The following CLRN1 variants were observed in gnomAD, a reference collection of about 807,000 sequenced individuals.
CLRN1 encodes clarin-1.
CLRN1 carries 15 observed loss-of-function variants against 18.7 expected under a neutral mutation model. That is an observed-to-expected ratio of 0.80 (90% confidence interval 0.54 to 1.23). The LOEUF (loss-of-function observed/expected upper bound fraction) is 1.23. CLRN1 is among the 50% of genes most tolerant of loss of function. CLRN1 has a pLI of 0.00. For missense variants in CLRN1, 311 were observed against 277.5 expected, an observed-to-expected ratio of 1.12 and a Z score of -0.86; for synonymous variants, 104 against 102.9, an observed-to-expected ratio of 1.01 and a Z score of -0.07.
intron 1 of CLRN1, among the ~76,000 whole-genome samples, chr3:150,956,240 G>A (rs1714732054): frequency 6.6e-6 from 1 of 152,274 alleles, no homozygotes; most frequent in South Asian, 2.1e-4. Context: ...TCCCAGGAAA[G>A]GGATTACTTC....
intron 1 of CLRN1, among the ~76,000 whole-genome samples, chr3:150,961,059 G>A (rs1715002728): frequency 6.6e-6 from 1 of 152,222 alleles, no homozygotes; most frequent in African/African-American, 2.4e-5. Context: ...CTGAGGCCAG[G>A]TGGCTGTGGA....
Position 150,931,783 on chromosome 3 carries a change from T to G in CLRN1, c.434-3582A>C, listed in dbSNP as rs142455939. Among the ~76,000 whole-genome samples the G allele has an allele frequency of 3.3e-5, 5 of 152,310 alleles. No homozygotes were observed. In the East Asian group the frequency reaches 9.7e-4, roughly 29 times the overall value. The stretch of plus-strand genomic sequence containing the variant: ...CTCTCCTCTTTTTCCCAGTTATCCA[T>G]GTACACCAAGAGCCCAAATTCACAC... On this transcript the variant is annotated intron_variant, in intron 2 of 2. Coordinates refer to ENST00000327047, the MANE Select transcript of CLRN1 (RefSeq NM_174878.3).
chr3:150,944,070 T>A, intron 1 of CLRN1: 2 of 691,558 alleles, frequency 2.9e-6, no homozygotes, highest in Non-Finnish European at 2.5e-6. Context: ...TTTTGAGTGA[T>A]CTCTGAGTGG....
Position 150,928,039 on chromosome 3 carries a change from T to C in CLRN1, c.596A>G (p.His199Arg), listed in dbSNP as rs986094058. The change falls in exon 3 of 3, where the codon CAT becomes CGT. Residue 199 changes from histidine (H) to arginine (R), a missense_variant. Coordinates refer to ENST00000327047, the MANE Select transcript of CLRN1 (RefSeq NM_174878.3). Reference sequence around the variant, plus strand: ...TCGTATTAGGAGCCCATTCAGAAAATGAACAAAAAAGCAAAAGAAAATGAC... The same window carrying C: ...TCGTATTAGGAGCCCATTCAGAAAACGAACAAAAAAGCAAAAGAAAATGAC... ...FWVIFFCFFV[H>R]FLNGLLIRLA... 2 of 1,613,986 alleles carry C rather than the reference T, an allele frequency of 1.2e-6. No homozygotes were observed. The highest frequency in any genetic ancestry group is 1.7e-6 in the Non-Finnish European group (2 of 1,180,012).
intron 1 of CLRN1, among the ~76,000 whole-genome samples, chr3:150,957,837 T>C (rs1334852486): frequency 1.3e-5 from 2 of 152,146 alleles, no homozygotes; most frequent in African/African-American, 4.8e-5. Context: ...TTGTGTTTTT[T>C]TAGTAGAGAC....
In CLRN1 at chr3:150,927,200, T is replaced by C; in HGVS notation, c.*736A>G. On this transcript the variant is annotated 3_prime_UTR_variant, in exon 3 of 3. Coordinates refer to ENST00000327047, the MANE Select transcript of CLRN1 (RefSeq NM_174878.3). ...AAATACCCTAAGCTTGGTTTTTTCT[T>C]CTTTTCTTCTTTTAGAGTTTGCAGA... 1.9e-6 allele frequency: 1 copy of C among 533,482 alleles called. No individual in the cohort carries two copies. Among genetic ancestry groups the C allele is most frequent in the Non-Finnish European group, 3.6e-6 (1 of 279,692 alleles). The allele number at this position is 533,482 out of a possible 1,614,324, so 33.0% of individuals were successfully genotyped here.
intron 1 of CLRN1, among the ~76,000 whole-genome samples, chr3:150,952,834 A>G (rs1021867767): frequency 6.6e-5 from 10 of 152,192 alleles, no homozygotes; most frequent in African/African-American, 2.2e-4. Context: ...TGTCATGTGG[A>G]GCAGTTTAAT....
intron 1 of CLRN1, among the ~76,000 whole-genome samples, chr3:150,954,794 G>A (rs1278675201): frequency 6.6e-6 from 1 of 152,164 alleles, no homozygotes; most frequent in Admixed American, 6.5e-5. Flanking sequence ...TATGGTACAA[G>A]TTTGAGTCAA....
At chr3:150,972,833 A>C (rs1299192862), upstream of CLRN1, 2 of 1,342,338 alleles carry the variant, frequency 1.5e-6, no homozygotes, top group South Asian at 2.5e-5. Flanking sequence ...CTGAAAAGGC[A>C]ACTTCACCAT....
chr3:150,953,484 C>A (rs1203681063), intron 1 of CLRN1, among the ~76,000 whole-genome samples: 2 of 151,904 alleles, frequency 1.3e-5, no homozygotes, highest in East Asian at 3.9e-4. Flanking sequence ...CAAGTAATAA[C>A]AATAAGAAAA....
In CLRN1 at chr3:150,928,052, A is replaced by T. The variant is rs775720318; in HGVS notation, c.583T>A (p.Cys195Ser). 3.1e-6 allele frequency: 5 copies of T among 1,614,184 alleles called. No individual in the cohort carries two copies. The South Asian group carries it at 5.5e-5, about 18-fold the overall frequency. The change falls in exon 3 of 3, where the codon TGC becomes AGC. Residue 195 changes from cysteine to serine, a missense_variant. Coordinates refer to ENST00000327047, the MANE Select transcript of CLRN1 (RefSeq NM_174878.3). Reference protein sequence around the residue: ...YTTSFWVIFFCFFVHFLNGLL... With the variant: ...YTTSFWVIFFSFFVHFLNGLL... ...CCATTCAGAAAATGAACAAAAAAGC[A>T]AAAGAAAATGACCCAGAATGAGGTG...
intron 2 of CLRN1, among the ~76,000 whole-genome samples, chr3:150,932,282 G>A (rs1713198233): frequency 1.3e-5 from 2 of 152,080 alleles, no homozygotes; most frequent in Admixed American, 6.5e-5. Context: ...GGCCAATGAG[G>A]GTTGCTTCTT....
intron 1 of CLRN1, chr3:150,945,565 C>G: frequency 7.8e-7 from 1 of 1,287,004 alleles, no homozygotes. Context: ...AGGGAGCATC[C>G]TCTTCGTAAA....
Position 150,962,895 on chromosome 3 carries a change from CATCAGG to C in CLRN1, c.253+9555_253+9560del, listed in dbSNP as rs540875342. Among the ~76,000 whole-genome samples, 196 of 152,242 alleles carry C rather than the reference CATCAGG, an allele frequency of 1.3e-3. 1 individual carries two copies. The highest frequency in any genetic ancestry group is 4.5e-3 in the African/African-American group (187 of 41,550). On this transcript the variant is annotated intron_variant, in intron 1 of 2. Transcript: ENST00000327047. ...CAAGGATCAAAGATTAAGATTTAGA[CATCAGG>C]ATCACTAAAATGTGAAATAAAAAGG... is the stretch of plus-strand genomic sequence containing the variant.
intron 1 of CLRN1, among the ~76,000 whole-genome samples, chr3:150,969,480 C>T (rs1421537146): frequency 6.6e-6 from 1 of 151,032 alleles, no homozygotes; most frequent in Non-Finnish European, 1.5e-5. Context: ...GCGCCCCCGC[C>T]ACGCCCGGCT....
chr3:150,934,324 A>G (rs1713329953), intron 2 of CLRN1, among the ~76,000 whole-genome samples: 1 of 152,224 alleles, frequency 6.6e-6, no homozygotes, highest in African/African-American at 2.4e-5. Flanking sequence ...CTTTTTAAAG[A>G]AAGGCAGCAA....
At chr3:150,947,701 AC>A (rs1219308176) in intron 1 of CLRN1, among the ~76,000 whole-genome samples, 1 of 152,174 alleles carries the variant, frequency 6.6e-6, no homozygotes, top group African/African-American at 2.4e-5. Context: ...CATATCAAAC[AC>A]CCTCAGACCA....
intron 1 of CLRN1, among the ~76,000 whole-genome samples, chr3:150,957,990 C>A (rs1336996648): frequency 6.6e-6 from 1 of 152,100 alleles, no homozygotes; most frequent in Non-Finnish European, 1.5e-5. Flanking sequence ...AACTCCCCTC[C>A]CTGGGAAATC....
rs1031033174 is a variant in CLRN1 at position 150,940,530 on chromosome 3, A to C, written c.433+1052T>G. 7.2e-6 allele frequency: 11 copies of C among 1,534,382 alleles called. No homozygotes were observed. The African/African-American group carries it at 9.6e-5, about 13-fold the overall frequency. On this transcript the variant is annotated intron_variant, in intron 2 of 2. Coordinates refer to ENST00000327047, the MANE Select transcript of CLRN1 (RefSeq NM_174878.3). ...GCAGCCAAAGGGCAACTTCAGGAGAAAAAGAAACAGTCGAATAGAGATTTT... is the reference window on the plus strand; with the variant it reads ...GCAGCCAAAGGGCAACTTCAGGAGACAAAGAAACAGTCGAATAGAGATTTT...
Sources: allele counts gnomAD v4.1 joint callset (sites outside exome capture counted in the v4.1 genomes callset), GRCh38; gene constraint gnomAD v4.1.1; transcripts MANE v1.5; gene names NCBI Gene and HGNC (gene_info 2026-07-23, HGNC 2026-07-21).